Variants in NRG1 observed in about 807,000 individuals in gnomAD.
NRG1 encodes neuregulin 1, also known as pro-neuregulin-1, membrane-bound isoform.
Under a neutral mutation model 63.8 loss-of-function variants are expected in NRG1, and 18 were observed. The ratio of observed to expected loss-of-function variants is 0.28; its 90% confidence interval spans 0.19 to 0.42. The LOEUF is 0.42. Ranked by LOEUF, NRG1 falls within the 10% of genes least tolerant of loss-of-function variation. The pLI, the probability that NRG1 is intolerant of heterozygous loss-of-function variation, is 1.00. For missense variants in NRG1, 762 were observed against 814.7 expected (o/e 0.94, Z 0.79); for synonymous variants, 302 against 301.3 (o/e 1.00, Z -0.02).
At chr8:32,091,151 G>A (rs1346691829) in intron 1 of NRG1, among the ~76,000 whole-genome samples, 2 of 151,754 alleles carry the variant, frequency 1.3e-5, no homozygotes, top group Admixed American at 6.6e-5. Flanking sequence ...AGTGGCGGGT[G>A]CCTGTAGTCC....
At chr8:31,986,144 T>C (rs1339272866) in intron 1 of NRG1, among the ~76,000 whole-genome samples, 1 of 152,086 alleles carries the variant, frequency 6.6e-6, no homozygotes, top group African/African-American at 2.4e-5. Flanking sequence ...GTGAAGTTCA[T>C]TTAGCCCCTC....
intron 1 of NRG1, among the ~76,000 whole-genome samples, chr8:32,043,550 C>A (rs1439837838): frequency 6.6e-6 from 1 of 151,784 alleles, no homozygotes; most frequent in Non-Finnish European, 1.5e-5. Flanking sequence ...ACATATCATC[C>A]TTTTCTTGAG....
intron 5 of NRG1, among the ~76,000 whole-genome samples, chr8:32,711,223 GTT>G (rs796371397): frequency 5.9e-5 from 8 of 135,738 alleles, no homozygotes; most frequent in African/African-American, 1.9e-4. Flanking sequence ...TTCAGCCTCA[GTT>G]TTTTTTTTTT....
chr8:32,019,530 C>G (rs1816109901), intron 1 of NRG1, among the ~76,000 whole-genome samples: 2 of 152,154 alleles, frequency 1.3e-5, no homozygotes, highest in African/African-American at 4.8e-5. Flanking sequence ...TACAAAATTT[C>G]TTTATTTGGA....
intron 1 of NRG1, among the ~76,000 whole-genome samples, chr8:32,052,221 T>C: frequency 6.6e-6 from 1 of 152,100 alleles, no homozygotes; most frequent in African/African-American, 2.4e-5. Flanking sequence ...GTAGTTGGTT[T>C]GCTTTGTGCT....
At chr8:31,855,873 G>T (rs1466190978) in intron 1 of NRG1, among the ~76,000 whole-genome samples, 1 of 151,944 alleles carries the variant, frequency 6.6e-6, no homozygotes, top group Non-Finnish European at 1.5e-5. Context: ...CACTTATGAA[G>T]CTTAGTTTGG....
At chr8:32,637,017 T>G (rs897806266) in intron 5 of NRG1, among the ~76,000 whole-genome samples, 9 of 152,282 alleles carry the variant, frequency 5.9e-5, no homozygotes, top group African/African-American at 2.2e-4. Flanking sequence ...ATAATAAAAC[T>G]TACTATAGTA....
chr8:31,642,954 C>G (rs966175820), intron 1 of NRG1, among the ~76,000 whole-genome samples: 3 of 150,866 alleles, frequency 2.0e-5, no homozygotes, highest in Non-Finnish European at 2.9e-5. Context: ...TTCAGTAAAT[C>G]TGCACTTGGA....
At chr8:32,436,874 C>A (rs972425232) in intron 1 of NRG1, among the ~76,000 whole-genome samples, 1 of 144,618 alleles carries the variant, frequency 6.9e-6, no homozygotes, top group Admixed American at 7.2e-5. Context: ...CTGGGTTTTA[C>A]ATGGTCAAGT....
intron 5 of NRG1, 104 bp from the exon 6 acceptor site, chr8:32,727,843 CTG>C: frequency 8.7e-7 from 1 of 1,152,016 alleles, no homozygotes; most frequent in East Asian, 2.4e-5. Flanking sequence ...TTAGTGAAAT[CTG>C]TACCTTATAT....
intron 1 of NRG1, among the ~76,000 whole-genome samples, chr8:32,450,518 C>T (rs1820819593): frequency 6.6e-6 from 1 of 152,142 alleles, no homozygotes; most frequent in South Asian, 2.1e-4. Flanking sequence ...CAGGCTCAAA[C>T]AATCCTCCCA....
chr8:32,084,203 T>TA (rs1563767206), intron 1 of NRG1, among the ~76,000 whole-genome samples: 1 of 152,208 alleles, frequency 6.6e-6, no homozygotes. Context: ...TTACATGGGA[T>TA]AACTATTTTT....
chr8:32,272,247 G>A (rs1237712929), intron 1 of NRG1, among the ~76,000 whole-genome samples: 1 of 152,108 alleles, frequency 6.6e-6, no homozygotes, highest in Non-Finnish European at 1.5e-5. Flanking sequence ...CTTGCAGATG[G>A]CAGCCTTCTC....
chr8:31,712,033 C>T (rs1267035377), intron 1 of NRG1, among the ~76,000 whole-genome samples: 3 of 152,126 alleles, frequency 2.0e-5, no homozygotes, highest in African/African-American at 7.2e-5. Flanking sequence ...TTTGTTGTAT[C>T]TACTTTGCCT....
At chr8:32,426,962 A>T (rs984630932) in intron 1 of NRG1, among the ~76,000 whole-genome samples, 7 of 151,908 alleles carry the variant, frequency 4.6e-5, no homozygotes, top group Non-Finnish European at 4.4e-5. Context: ...TCGCAACAAC[A>T]TCAGGTCATT....
chr8:32,590,034 T>C (rs1842254277), intron 1 of NRG1, among the ~76,000 whole-genome samples: 1 of 152,232 alleles, frequency 6.6e-6, no homozygotes, highest in South Asian at 2.1e-4. Flanking sequence ...TTTGGAAGTA[T>C]ACTTTGCATA....
At chr8:32,329,864 G>A (rs1052889040) in intron 1 of NRG1, among the ~76,000 whole-genome samples, 2 of 151,108 alleles carry the variant, frequency 1.3e-5, no homozygotes, top group South Asian at 2.1e-4. Context: ...GGGGGGTTTT[G>A]GTCTTATTTC....
intron 5 of NRG1, among the ~76,000 whole-genome samples, chr8:32,680,056 T>C (rs890009827): frequency 6.6e-6 from 1 of 152,254 alleles, no homozygotes; most frequent in Non-Finnish European, 1.5e-5. Flanking sequence ...TCAGATTTAC[T>C]CTTCATTGCT....
chr8:32,591,072 G>T (rs1339227618), intron 1 of NRG1, among the ~76,000 whole-genome samples: 2 of 152,158 alleles, frequency 1.3e-5, no homozygotes, highest in Non-Finnish European at 2.9e-5. Context: ...CATAAGTCAA[G>T]GATGCAATTG....
Sources: allele counts gnomAD v4.1 joint callset (sites outside exome capture counted in the v4.1 genomes callset), GRCh38; gene constraint gnomAD v4.1.1; transcripts MANE v1.5; gene names NCBI Gene and HGNC (gene_info 2026-07-23, HGNC 2026-07-21).